The following MYBPC1 variants were observed in gnomAD, a reference collection of about 807,000 sequenced individuals.
The protein encoded by MYBPC1 is myosin binding protein C1.
In MYBPC1, 52 loss-of-function variants were observed where a neutral mutation model predicts 147.1. The observed-to-expected ratio is 0.35, with a 90% CI of 0.28 to 0.45. MYBPC1 has a LOEUF of 0.45. Ranked by LOEUF, MYBPC1 falls within the 20% of genes least tolerant of loss-of-function variation. The pLI is 1.00. For missense variants in MYBPC1, 1,228 were observed against 1,440.3 expected (o/e 0.85, Z 2.39); for synonymous variants, 477 against 475.9 (o/e 1.00, Z -0.03).
At chr12:101,684,002 A>C (rs931546000) in intron 30 of MYBPC1, among the ~76,000 whole-genome samples, 1 of 152,046 alleles carries the variant, frequency 6.6e-6, no homozygotes, top group Non-Finnish European at 1.5e-5. Flanking sequence ...TCTATTGTCT[A>C]TGTTTTTCTT....
rs192079671 is a variant in MYBPC1 at position 101,653,206 on chromosome 12, C to T, written c.1725C>T (p.Ser575=). Residue 575 remains serine, a synonymous_variant, in exon 18 of 32, where the codon AGC becomes AGT. Coordinates refer to ENST00000361466, the MANE Select transcript of MYBPC1 (RefSeq NM_002465.4). ...AGCTTCGTCTTGAGATCCCCATCAGCGGAGAACCACCTCCTAAAGCCATGT... is the reference window on the plus strand; with the variant it reads ...AGCTTCGTCTTGAGATCCCCATCAGTGGAGAACCACCTCCTAAAGCCATGT... The part of the protein sequence containing the change: ...GNKLRLEIPI[S]GEPPPKAMWS... 7.9e-5 allele frequency: 128 copies of T among 1,614,110 alleles called. No individual in the cohort carries two copies. Among genetic ancestry groups the T allele is most frequent in the Admixed American group, 1.5e-4 (9 of 60,002 alleles).
intron 14 of MYBPC1, among the ~76,000 whole-genome samples, 178 bp downstream of exon 14, chr12:101,648,328 G>C (rs560016415): frequency 2.0e-4 from 30 of 152,120 alleles, no homozygotes; most frequent in Non-Finnish European, 4.0e-4. Context: ...TTCCACTCAT[G>C]AGACTGAAAA....
chr12:101,694,567 T>C, the MYBPC1 span, among the ~76,000 whole-genome samples: 3 of 152,334 alleles, frequency 2.0e-5, no homozygotes, highest in South Asian at 2.1e-4. Context: ...GCTTCCTCTC[T>C]TTCTCTCTCT....
chr12:101,681,592 A>ATTT (rs869224775), intron 29 of MYBPC1, among the ~76,000 whole-genome samples: 1 of 13,540 alleles, frequency 7.4e-5, no homozygotes, highest in Non-Finnish European at 1.2e-4. Context: ...ATATATATAT[A>ATTT]TTTTTTTTTT....
chr12:101,682,648 G>A lies in MYBPC1; in HGVS notation c.3478G>A (p.Glu1160Lys). 1 of 1,613,136 alleles carries A rather than the reference G, an allele frequency of 6.2e-7. No homozygotes were observed. The highest frequency in any genetic ancestry group is 8.5e-7 in the Non-Finnish European group (1 of 1,179,152). Residue 1160 changes from glutamate to lysine, a missense_variant, in exon 30 of 32, where the codon GAG becomes AAG. By Grantham distance (56) the Glu-to-Lys change is moderately conservative (BLOSUM62 1). This residue lies in a region of MYBPC1 where 1,077 missense variants were observed against 1,314.2 expected (regional missense o/e 0.82). Transcript: ENST00000361466. ...TACCCCTGGACAACCAGTCTTCCTG[G>A]AGGGGCAGCAACAGGTTTAAAAAGT... ...VNTPGQPVFL[E>K]GQQQSLHNKD...
At chr12:101,636,612 G>T in intron 9 of MYBPC1, 60 bp from the exon 10 acceptor site, 8 of 1,426,372 alleles carry the variant, frequency 5.6e-6, no homozygotes, top group Non-Finnish European at 7.9e-6. Context: ...GTGTTTGGGG[G>T]AAATTGTTGT....
At chr12:101,694,541 A>G in the MYBPC1 span, among the ~76,000 whole-genome samples, 60 of 152,284 alleles carry the variant, frequency 3.9e-4, no homozygotes, top group African/African-American at 1.4e-3. Context: ...AGGACTTTAT[A>G]AGGAGACACC....
intron 20 of MYBPC1, 95 bp from the exon 21 acceptor site, chr12:101,662,263 G>T: frequency 7.8e-7 from 1 of 1,275,630 alleles, no homozygotes; most frequent in Admixed American, 2.0e-5. Context: ...ATAGATTGAT[G>T]ACAAAATGCA....
intron 3 of MYBPC1, 109 bp downstream of exon 3, chr12:101,617,352 C>T (rs1886363842): frequency 1.3e-5 from 15 of 1,196,490 alleles, no homozygotes; most frequent in Admixed American, 5.8e-5. Context: ...CATTATCTTT[C>T]GTTCTGCCTT....
At position 101,628,194 on chromosome 12, in the gene MYBPC1, T is replaced by A. The variant is rs535467382; in HGVS notation, c.178+390T>A. Reference sequence around the variant, plus strand: ...CTGTAGCTCCTGTTCTGTGAAGTCATTCATTCATTCATTCATTCGACAAAT... The same window carrying A: ...CTGTAGCTCCTGTTCTGTGAAGTCAATCATTCATTCATTCATTCGACAAAT... On this transcript the variant is annotated intron_variant, in intron 5 of 31. Transcript: ENST00000361466. 6 of 260,340 alleles carry A rather than the reference T, an allele frequency of 2.3e-5. No homozygotes were observed. In the South Asian group the frequency reaches 2.4e-4, roughly 11 times the overall value. The allele number at this position is 260,340 out of a possible 1,614,324, so 16.1% of individuals were successfully genotyped here.
chr12:101,651,726 A>T (rs1227053606), intron 16 of MYBPC1, among the ~76,000 whole-genome samples: 1 of 152,168 alleles, frequency 6.6e-6, no homozygotes, highest in Non-Finnish European at 1.5e-5. Context: ...GGATCAATTG[A>T]GCTCAGGAGT....
chr12:101,611,691 G>A (rs182174561), intron 1 of MYBPC1, among the ~76,000 whole-genome samples: 20 of 152,310 alleles, frequency 1.3e-4, no homozygotes, highest in African/African-American at 3.4e-4. Context: ...TAAATATACA[G>A]AGACTATTAG....
chr12:101,644,117 A>C (rs1379989246), intron 11 of MYBPC1, among the ~76,000 whole-genome samples: 1 of 152,094 alleles, frequency 6.6e-6, no homozygotes, highest in East Asian at 1.9e-4. Context: ...GCTCACTGCA[A>C]CCTCTGCCTC....
At chr12:101,626,409 A>G (rs1390229306) in intron 3 of MYBPC1, among the ~76,000 whole-genome samples, 1 of 152,216 alleles carries the variant, frequency 6.6e-6, no homozygotes, top group Non-Finnish European at 1.5e-5. Context: ...GAGAGCAATT[A>G]ATCATGAGGT....
rs559903819 is a variant in MYBPC1 at position 101,683,377 on chromosome 12, G to A, written c.3492+715G>A. ...TCTGGAAGGTCGAGGAGGCTTCAGTGAGCCAAGATCTCCAGCTTAGGTGAC... is the reference window on the plus strand; with the variant it reads ...TCTGGAAGGTCGAGGAGGCTTCAGTAAGCCAAGATCTCCAGCTTAGGTGAC... On this transcript the variant is annotated intron_variant, in intron 30 of 31. Transcript: ENST00000361466. Among the ~76,000 whole-genome samples the A allele has an allele frequency of 8.5e-5, 13 of 152,120 alleles. No individual in the cohort carries two copies. In the South Asian group the frequency reaches 2.7e-3, roughly 32 times the overall value.
rs1335359829 is a variant in MYBPC1 at position 101,648,143 on chromosome 12, G to A, written c.1189G>A (p.Val397Ile). The A allele has an allele frequency of 6.2e-7, 1 of 1,606,296 alleles. No individual in the cohort carries two copies. The highest frequency in any genetic ancestry group is 8.5e-7 in the Non-Finnish European group (1 of 1,173,314). ...TGAGGTGTCTGAAGATGATGCCAAT[G>A]TAAAATGGTAAATAGCCTTAATGAA... ...ECEVSEDDAN[V>I]KWFKNGEEII... The change falls in exon 14 of 32, where the codon GTA becomes ATA. Residue 397 changes from valine to isoleucine, a missense_variant. By Grantham distance (29) the Val-to-Ile change is conservative (BLOSUM62 3). Transcript: ENST00000361466.
At chr12:101,646,063 T>A (rs945183385) in intron 12 of MYBPC1, among the ~76,000 whole-genome samples, 2 of 152,206 alleles carry the variant, frequency 1.3e-5, no homozygotes, top group African/African-American at 4.8e-5. Context: ...ATCAAGTCTC[T>A]ACCCACCTAT....
chr12:101,640,767 C>A (rs1308406546), intron 10 of MYBPC1, among the ~76,000 whole-genome samples: 1 of 152,136 alleles, frequency 6.6e-6, no homozygotes, highest in Non-Finnish European at 1.5e-5. Flanking sequence ...ATAATCTCCT[C>A]CCCTCCCCTG....
intron 31 of MYBPC1, among the ~76,000 whole-genome samples, chr12:101,685,010 C>A (rs1019931729): frequency 5.3e-5 from 8 of 151,932 alleles, no homozygotes; most frequent in Non-Finnish European, 7.4e-5. Flanking sequence ...GTAGGTGTTT[C>A]TCGCACCTTC....
Sources: gnomAD v4.1 joint callset for allele counts (sites outside exome capture counted in the v4.1 genomes callset) on GRCh38, gnomAD v4.1.1 for gene constraint, gnomAD v4.1.1 regional missense constraint, MANE v1.5 for transcripts, NCBI Gene and HGNC (gene_info 2026-07-23, HGNC 2026-07-21) for gene names.